Variants in ADGRV1 observed in about 807,000 individuals in gnomAD.
ADGRV1 encodes adhesion G protein-coupled receptor V1.
A neutral mutation model predicts 596.2 loss-of-function variants in ADGRV1; 359 were observed. The ratio of observed to expected loss-of-function variants is 0.60; its 90% CI spans 0.55 to 0.66. The LOEUF is 0.66. ADGRV1 is among the 30% of genes least tolerant of loss of function. ADGRV1 has a pLI of 0.00. For synonymous variants in ADGRV1, 2,681 were observed against 2,679.2 expected (o/e 1.00, Z -0.02); for missense variants, 7,274 against 7,575.6 (o/e 0.96, Z 1.48).
chr5:90,949,933 A>T (rs1234360472), intron 83 of ADGRV1, among the ~76,000 whole-genome samples: 1 of 152,178 alleles, frequency 6.6e-6, no homozygotes, highest in Non-Finnish European at 1.5e-5. Flanking sequence ...GGATGCCTTT[A>T]CTGAAGTTTT....
At chr5:90,733,158 G>A (rs1003295223) in intron 50 of ADGRV1, among the ~76,000 whole-genome samples, 5 of 152,202 alleles carry the variant, frequency 3.3e-5, no homozygotes, top group African/African-American at 1.2e-4. Context: ...TTGTGGGAAA[G>A]AGAAGTTAGA....
chr5:91,132,724 A>G (rs1032786023), intron 87 of ADGRV1, among the ~76,000 whole-genome samples: 1 of 152,228 alleles, frequency 6.6e-6, no homozygotes, highest in Non-Finnish European at 1.5e-5. Context: ...ATTCAAGAAT[A>G]GTGTTCCAGC....
intron 87 of ADGRV1, among the ~76,000 whole-genome samples, chr5:91,120,260 A>G (rs1000087598): frequency 6.6e-6 from 1 of 152,234 alleles, no homozygotes; most frequent in African/African-American, 2.4e-5. Context: ...GACAGGAAGC[A>G]GATCCAGTGT....
chr5:90,729,901 G>A, intron 50 of ADGRV1, 137 bp downstream of exon 50: 1 of 809,596 alleles, frequency 1.2e-6, no homozygotes, highest in Non-Finnish European at 1.9e-6. Context: ...GGGTCTAGCT[G>A]TGTTGCCCAG....
intron 83 of ADGRV1, among the ~76,000 whole-genome samples, chr5:90,959,445 T>G (rs1451242908): frequency 6.6e-6 from 1 of 152,170 alleles, no homozygotes; most frequent in Admixed American, 6.5e-5. Flanking sequence ...AGCTTTCTTT[T>G]GTAGAAATTG....
chr5:91,043,982 T>C (rs1212567649), intron 85 of ADGRV1, among the ~76,000 whole-genome samples: 1 of 152,078 alleles, frequency 6.6e-6, no homozygotes, highest in African/African-American at 2.4e-5. Context: ...GTGAGGTCTT[T>C]TGTATAAGAC....
chr5:90,693,839 T>C, intron 32 of ADGRV1, 51 bp from the exon 33 acceptor site: 3 of 1,351,740 alleles, frequency 2.2e-6, no homozygotes, highest in Non-Finnish European at 3.0e-6. Flanking sequence ...TCTCTATTTG[T>C]AATTACTTTG....
chr5:91,054,104 A>T (rs4283826), intron 85 of ADGRV1, among the ~76,000 whole-genome samples: 35,032 of 94,958 alleles, frequency 0.37, 3,957 homozygotes, highest in African/African-American at 0.44. Flanking sequence ...TGTGTGTGTG[A>T]GAGAGAGAGA....
chr5:90,820,784 C>T (rs1003494513), intron 75 of ADGRV1, among the ~76,000 whole-genome samples: 9 of 151,746 alleles, frequency 5.9e-5, no homozygotes, highest in Admixed American at 4.6e-4. Flanking sequence ...CCGAGAGATC[C>T]GCTGTTAGTC....
chr5:90,779,528 T>C (rs1758620320), intron 64 of ADGRV1: 1 of 153,506 alleles, frequency 6.5e-6, no homozygotes, highest in Admixed American at 6.4e-5. Flanking sequence ...TCGTCTTCTC[T>C]GTGGGTGAAT....
intron 85 of ADGRV1, among the ~76,000 whole-genome samples, chr5:90,998,011 C>T (rs1781558281): frequency 6.6e-6 from 1 of 152,204 alleles, no homozygotes; most frequent in Non-Finnish European, 1.5e-5. Context: ...CCCAGTTAAA[C>T]ATTGTTGACC....
At chr5:90,919,554 C>G (rs961672715) in intron 83 of ADGRV1, among the ~76,000 whole-genome samples, 20 of 152,148 alleles carry the variant, frequency 1.3e-4, no homozygotes, top group African/African-American at 4.6e-4. Flanking sequence ...AAAGTGATCT[C>G]TTTTCTTGCT....
chr5:91,062,956 T>TC (rs1181223202), intron 85 of ADGRV1, among the ~76,000 whole-genome samples: 1 of 141,530 alleles, frequency 7.1e-6, no homozygotes, highest in Non-Finnish European at 1.5e-5. Flanking sequence ...TCTCAAACTT[T>TC]TTTTTTTTTT....
chr5:90,560,997 T>A (rs1754750572), intron 1 of ADGRV1, among the ~76,000 whole-genome samples: 1 of 152,176 alleles, frequency 6.6e-6, no homozygotes, highest in African/African-American at 2.4e-5. Context: ...TAGCTGTGAC[T>A]AAACTCTTTT....
chr5:91,000,141 T>C (rs2151103095), intron 85 of ADGRV1, among the ~76,000 whole-genome samples: 1 of 152,294 alleles, frequency 6.6e-6, no homozygotes, highest in South Asian at 2.1e-4. Context: ...TCTAGATTTA[T>C]ACATTTTTGT....
intron 87 of ADGRV1, among the ~76,000 whole-genome samples, chr5:91,145,146 C>G (rs917985046): frequency 6.6e-6 from 1 of 152,176 alleles, no homozygotes; most frequent in African/African-American, 2.4e-5. Context: ...GTGTTTCCTG[C>G]AGCACATCTA....
At chr5:90,758,696 A>G (rs1756112683) in intron 57 of ADGRV1, among the ~76,000 whole-genome samples, 1 of 152,198 alleles carries the variant, frequency 6.6e-6, no homozygotes, top group Non-Finnish European at 1.5e-5. Context: ...GGTAGATTTA[A>G]TTTCATTTTC....
At chr5:90,951,842 T>A (rs989844516) in intron 83 of ADGRV1, among the ~76,000 whole-genome samples, 1 of 152,164 alleles carries the variant, frequency 6.6e-6, no homozygotes, top group African/African-American at 2.4e-5. Context: ...TGAACTTTGA[T>A]TCATGAAATC....
intron 26 of ADGRV1, among the ~76,000 whole-genome samples, chr5:90,680,296 A>C (rs1744769406): frequency 6.6e-6 from 1 of 151,848 alleles, no homozygotes; most frequent in South Asian, 2.1e-4. Context: ...GCGGAGGTTG[A>C]GTGAACCAAG....
Sources: gnomAD v4.1 joint callset for allele counts (sites outside exome capture counted in the v4.1 genomes callset) on GRCh38, gnomAD v4.1.1 for gene constraint, MANE v1.5 for transcripts, NCBI Gene and HGNC (gene_info 2026-07-23, HGNC 2026-07-21) for gene names.